NSG2: variants seen among roughly 807,000 people sequenced by gnomAD.
NSG2 encodes the protein neuronal vesicle trafficking-associated protein 2.
A neutral mutation model predicts 16.9 loss-of-function variants in NSG2; 4 were observed. The observed-to-expected ratio is 0.24, with a 90% CI of 0.12 to 0.54. The LOEUF is 0.54. NSG2 is among the 20% of genes least tolerant of loss of function. The pLI is 0.95. For missense variants in NSG2, 179 were observed against 221.1 expected, an observed-to-expected ratio of 0.81 and a Z score of 1.21; for synonymous variants, 98 against 88.7, an observed-to-expected ratio of 1.11 and a Z score of -0.59.
chr5:174,100,619 C>T (rs1760883479), intron 3 of NSG2, among the ~76,000 whole-genome samples: 2 of 152,214 alleles, frequency 1.3e-5, no homozygotes, highest in East Asian at 1.9e-4. Flanking sequence ...ACCTCCCTCC[C>T]TCCCTTTTCT....
chr5:174,078,870 A>C (rs1242206981), intron 3 of NSG2, among the ~76,000 whole-genome samples: 1 of 152,164 alleles, frequency 6.6e-6, no homozygotes, highest in African/African-American at 2.4e-5. Flanking sequence ...AACTGTGAGA[A>C]ATAAATGTCT....
chr5:174,094,661 A>G (rs1232532832), intron 3 of NSG2, among the ~76,000 whole-genome samples: 3 of 152,234 alleles, frequency 2.0e-5, no homozygotes, highest in Non-Finnish European at 4.4e-5. Context: ...CAGCAGGCAG[A>G]CAAAGAGGCC....
At chr5:174,059,288 G>A (rs972408890) in intron 2 of NSG2, among the ~76,000 whole-genome samples, 12 of 152,054 alleles carry the variant, frequency 7.9e-5, no homozygotes, top group Non-Finnish European at 1.0e-4. Context: ...GTAGTATAGC[G>A]GTGAGGCATT....
intron 3 of NSG2, among the ~76,000 whole-genome samples, chr5:174,081,918 T>G (rs1376103000): frequency 1.3e-5 from 2 of 149,002 alleles, no homozygotes; most frequent in African/African-American, 4.9e-5. Context: ...AGAGAGAGAA[T>G]GTACATGCAT....
chr5:174,054,936 T>G (rs116364323), intron 2 of NSG2, among the ~76,000 whole-genome samples: 1 of 152,234 alleles, frequency 6.6e-6, no homozygotes, highest in Non-Finnish European at 1.5e-5. Flanking sequence ...CTAAGGATTG[T>G]TGTAAAGATA....
At chr5:174,075,474 C>T (rs1484292688) in intron 3 of NSG2, among the ~76,000 whole-genome samples, 2 of 152,178 alleles carry the variant, frequency 1.3e-5, no homozygotes, top group Non-Finnish European at 2.9e-5. Context: ...TGCTGCAGAT[C>T]CCTGTTATTT....
intron 3 of NSG2, chr5:174,066,331 G>A: frequency 2.2e-6 from 1 of 445,406 alleles, no homozygotes; most frequent in East Asian, 7.1e-5. Context: ...GGGTATCTTG[G>A]TGCACCAGGC....
intron 3 of NSG2, among the ~76,000 whole-genome samples, chr5:174,065,404 G>C (rs566849257): frequency 6.6e-6 from 1 of 152,130 alleles, no homozygotes; most frequent in Non-Finnish European, 1.5e-5. Context: ...TGAGGCAGAA[G>C]TGGGCGGAGG....
At chr5:174,087,317 G>T (rs1424192509) in intron 3 of NSG2, among the ~76,000 whole-genome samples, 1 of 152,124 alleles carries the variant, frequency 6.6e-6, no homozygotes, top group Non-Finnish European at 1.5e-5. Flanking sequence ...TGAGTAGAAG[G>T]TGCACATGGC....
At chr5:174,080,525 TTCTCTCTC>T (rs72447938) in intron 3 of NSG2, among the ~76,000 whole-genome samples, 10 of 125,290 alleles carry the variant, frequency 8.0e-5, no homozygotes, top group African/African-American at 1.9e-4. Flanking sequence ...CTTTCTTTCT[TTCTCTCTC>T]TCTCTCTCTC....
rs77649560 is a variant in NSG2 at position 174,107,260 on chromosome 5, C to A, written c.325-54C>A. The A allele has an allele frequency of 2.1e-5, 31 of 1,457,062 alleles. No homozygotes were observed. In the East Asian group the frequency reaches 5.6e-4, roughly 27 times the overall value. The allele number at this position is 1,457,062 out of a possible 1,614,324, so 90.3% of individuals were successfully genotyped here. Reference sequence around the variant, plus strand: ...CAGTCAGGGTGGCTGTGTTGCTGGGCAGGTTGGGAGCAGTTTGCTGAATGA... The same window carrying A: ...CAGTCAGGGTGGCTGTGTTGCTGGGAAGGTTGGGAGCAGTTTGCTGAATGA... On this transcript the variant is annotated intron_variant, in intron 4 of 4. Coordinates refer to ENST00000303177, the MANE Select transcript of NSG2 (RefSeq NM_015980.5). This position sits in a 1 kb window ranked among gnomAD's most constrained non-coding sequence, Gnocchi z 4.5.
intron 3 of NSG2, among the ~76,000 whole-genome samples, chr5:174,080,527 CT>C (rs1561668636): frequency 3.5e-5 from 3 of 84,892 alleles, no homozygotes; most frequent in African/African-American, 1.1e-4. Context: ...TTCTTTCTTT[CT>C]CTCTCTCTCT....
At chr5:174,079,260 TCTC>T (rs1432487927) in intron 3 of NSG2, among the ~76,000 whole-genome samples, 1 of 147,744 alleles carries the variant, frequency 6.8e-6, no homozygotes, top group East Asian at 2.0e-4. Flanking sequence ...TCTCTCTCTC[TCTC>T]TTTTTTTTTT....
chr5:174,108,046 G>A lies in NSG2; in HGVS notation c.*541G>A. On this transcript the variant is annotated 3_prime_UTR_variant, in exon 5 of 5. Transcript: ENST00000303177. The stretch of plus-strand genomic sequence containing the variant: ...GCAGGAAATGAGGAATGGCCGAGCT[G>A]GAGAGAAGAGCTGATTTTGGCATTA... 1 of 303,306 alleles carries A rather than the reference G, an allele frequency of 3.3e-6. No homozygotes were observed. The highest frequency in any genetic ancestry group is 4.8e-5 in the Admixed American group (1 of 20,646). The allele number at this position is 303,306 out of a possible 1,614,324, so 18.8% of individuals were successfully genotyped here. A position where few individuals can be genotyped will look rare whatever the true frequency, so the allele number is the denominator to read the frequency against.
chr5:174,108,011 G>A lies in NSG2; in HGVS notation c.*506G>A. 3.1e-6 allele frequency: 1 copy of A among 319,990 alleles called. No individual in the cohort carries two copies. The highest frequency in any genetic ancestry group is 6.0e-6 in the Non-Finnish European group (1 of 165,700). The allele number at this position is 319,990 out of a possible 1,614,324, so 19.8% of individuals were successfully genotyped here. On this transcript the variant is annotated 3_prime_UTR_variant, in exon 5 of 5. Coordinates refer to ENST00000303177, the MANE Select transcript of NSG2 (RefSeq NM_015980.5). The stretch of plus-strand genomic sequence containing the variant: ...CTATTCCATTAGCCTGTGGTCTGCA[G>A]GGTAGGCCCGCAGGAAATGAGGAAT...
intron 3 of NSG2, among the ~76,000 whole-genome samples, chr5:174,074,578 T>TGCTTGAGA (rs1345074341): frequency 2.0e-5 from 3 of 152,112 alleles, no homozygotes; most frequent in Non-Finnish European, 4.4e-5. Flanking sequence ...ATCACTCTCC[T>TGCTTGAGA]GCTTGAGAAA....
intron 3 of NSG2, among the ~76,000 whole-genome samples, chr5:174,080,521 TTCTTTC>T (rs1243784559): frequency 1.7e-4 from 15 of 86,812 alleles, no homozygotes; most frequent in African/African-American, 2.6e-4. Context: ...CCCTCTTTCT[TTCTTTC>T]TCTCTCTCTC....
At chr5:174,058,536 C>A (rs1234652778) in intron 2 of NSG2, among the ~76,000 whole-genome samples, 2 of 152,148 alleles carry the variant, frequency 1.3e-5, no homozygotes, top group Admixed American at 1.3e-4. Flanking sequence ...CATGAGCTGG[C>A]TTTGAGAAAT....
chr5:174,080,521 T>TC (rs1561668593), intron 3 of NSG2, among the ~76,000 whole-genome samples: 62 of 86,890 alleles, frequency 7.1e-4, no homozygotes, highest in Non-Finnish European at 1.3e-3. Flanking sequence ...CCCTCTTTCT[T>TC]TCTTTCTCTC....
Sources: allele counts gnomAD v4.1 joint callset (sites outside exome capture counted in the v4.1 genomes callset), GRCh38; gene constraint gnomAD v4.1.1; non-coding constraint Gnocchi (gnomAD v3.1); transcripts MANE v1.5; gene names NCBI Gene and HGNC (gene_info 2026-07-23, HGNC 2026-07-21).